CPNE8: variants seen among roughly 807,000 people sequenced by gnomAD.
CPNE8 encodes the protein copine 8.
CPNE8 carries 45 observed loss-of-function variants against 81.5 expected under a neutral mutation model. The observed-to-expected ratio is 0.55, with a 90% CI of 0.44 to 0.71. The LOEUF is 0.71. Among genes scored for constraint, CPNE8 ranks in the 30% least tolerant of loss-of-function variants. The probability of loss-of-function intolerance (pLI) is 0.00; values close to 1 mark genes in which losing one functional copy is unlikely to be tolerated. For synonymous variants in CPNE8, 252 were observed against 226.3 expected, an observed-to-expected ratio of 1.11 and a Z score of -1.02; for missense variants, 594 against 672.1, an observed-to-expected ratio of 0.88 and a Z score of 1.28.
intron 13 of CPNE8, among the ~76,000 whole-genome samples, chr12:38,706,159 T>C (rs1940100939): frequency 6.6e-6 from 1 of 152,164 alleles, no homozygotes; most frequent in African/African-American, 2.4e-5. Context: ...GCAAACTTTC[T>C]GGCTATAATA....
At chr12:38,744,861 T>C (rs1941192642) in intron 10 of CPNE8, among the ~76,000 whole-genome samples, 1 of 152,214 alleles carries the variant, frequency 6.6e-6, no homozygotes, top group African/African-American at 2.4e-5. Context: ...TTCATAACAG[T>C]GATTTTATTA....
chr12:38,773,734 A>G (rs1054696640), intron 7 of CPNE8, among the ~76,000 whole-genome samples: 1 of 152,142 alleles, frequency 6.6e-6, no homozygotes, highest in Non-Finnish European at 1.5e-5. Flanking sequence ...CAATACTTTT[A>G]ATGTTCCCTA....
intron 6 of CPNE8, among the ~76,000 whole-genome samples, chr12:38,798,337 T>A (rs533857982): frequency 1.3e-5 from 2 of 152,222 alleles, no homozygotes; most frequent in South Asian, 4.1e-4. Flanking sequence ...CCCATCACAC[T>A]AACAGCTGAT....
At chr12:38,698,472 A>T (rs1161258729) in intron 14 of CPNE8, among the ~76,000 whole-genome samples, 1 of 152,150 alleles carries the variant, frequency 6.6e-6, no homozygotes, top group Non-Finnish European at 1.5e-5. Context: ...TTAAGAATCA[A>T]CTGCCAAATC....
chr12:38,906,145 G>T (rs1944569062), upstream of CPNE8: 1 of 985,576 alleles, frequency 1.0e-6, no homozygotes. Context: ...TTCTCACCTC[G>T]CCCTCGGAGC....
intron 19 of CPNE8, among the ~76,000 whole-genome samples, chr12:38,664,244 T>C (rs190647531): frequency 1.6e-4 from 25 of 152,192 alleles, no homozygotes; most frequent in Non-Finnish European, 2.1e-4. Context: ...TATAAATATG[T>C]ATAATGTCAA....
At chr12:38,858,480 G>A (rs1368510184) in intron 3 of CPNE8, among the ~76,000 whole-genome samples, 1 of 152,242 alleles carries the variant, frequency 6.6e-6, no homozygotes, top group Non-Finnish European at 1.5e-5. Flanking sequence ...AGGTGCTTCT[G>A]CAGTCATATT....
chr12:38,688,496 G>A (rs1483858835), intron 15 of CPNE8, among the ~76,000 whole-genome samples: 1 of 152,028 alleles, frequency 6.6e-6, no homozygotes, highest in Non-Finnish European at 1.5e-5. Context: ...AGATTTTTAA[G>A]TCTGTTACTT....
At chr12:38,793,918 G>C (rs1942390670) in intron 6 of CPNE8, among the ~76,000 whole-genome samples, 1 of 151,980 alleles carries the variant, frequency 6.6e-6, no homozygotes, top group African/African-American at 2.4e-5. Flanking sequence ...ACACCCTAAT[G>C]TACATGATAA....
intron 4 of CPNE8, among the ~76,000 whole-genome samples, chr12:38,844,132 A>G (rs990113539): frequency 1.3e-5 from 2 of 152,206 alleles, no homozygotes; most frequent in African/African-American, 4.8e-5. Flanking sequence ...TTTTATAATA[A>G]CATTATACAT....
At chr12:38,763,023 T>C (rs576853016) in intron 8 of CPNE8, among the ~76,000 whole-genome samples, 1 of 152,274 alleles carries the variant, frequency 6.6e-6, no homozygotes, top group South Asian at 2.1e-4. Flanking sequence ...TGCACCCAAC[T>C]AATTTTTGTA....
chr12:38,734,187 C>T (rs994530149), intron 10 of CPNE8, among the ~76,000 whole-genome samples: 4 of 151,928 alleles, frequency 2.6e-5, no homozygotes, highest in Admixed American at 6.6e-5. Context: ...CATCCCCCTC[C>T]GTACCTGCTA....
At chr12:38,838,554 A>T (rs1369842849) in intron 5 of CPNE8, among the ~76,000 whole-genome samples, 1 of 152,194 alleles carries the variant, frequency 6.6e-6, no homozygotes, top group Admixed American at 6.5e-5. Context: ...TTTTTAGGAC[A>T]TTTGCAAAAC....
intron 6 of CPNE8, among the ~76,000 whole-genome samples, chr12:38,822,404 T>C (rs1284899036): frequency 2.0e-5 from 3 of 152,178 alleles, no homozygotes; most frequent in Admixed American, 6.5e-5. Context: ...TCCTTAAACT[T>C]GCTGAATTCC....
rs572991248 is a variant in CPNE8 at position 38,711,990 on chromosome 12, C to T, written c.915-9069G>A. ...TGGCTTTGTTTTTATTAGATTTATC[C>T]CTACTCAGCACCACAGAGTTTAGCT... On this transcript the variant is annotated intron_variant, in intron 13 of 19. Coordinates refer to ENST00000331366, the MANE Select transcript of CPNE8 (RefSeq NM_153634.3). Among the ~76,000 whole-genome samples the T allele has an allele frequency of 5.9e-5, 9 of 151,908 alleles. No individual in the cohort carries two copies. The South Asian group carries it at 1.9e-3, about 32-fold the overall frequency.
chr12:38,705,646 A>G (rs2136697889), intron 13 of CPNE8, among the ~76,000 whole-genome samples: 1 of 152,310 alleles, frequency 6.6e-6, no homozygotes, highest in Non-Finnish European at 1.5e-5. Flanking sequence ...GGGATTGAAA[A>G]GAACAATCAC....
At chr12:38,669,348 AT>A (rs1224845210) in intron 19 of CPNE8, among the ~76,000 whole-genome samples, 3 of 152,134 alleles carry the variant, frequency 2.0e-5, no homozygotes, top group African/African-American at 7.2e-5. Context: ...AGATTACTTT[AT>A]ATTATTACTT....
chr12:38,775,677 A>C (rs1267134131), intron 7 of CPNE8, among the ~76,000 whole-genome samples: 1 of 152,186 alleles, frequency 6.6e-6, no homozygotes, highest in East Asian at 1.9e-4. Flanking sequence ...ATCACAACTG[A>C]AAGTAGCAAT....
intron 15 of CPNE8, among the ~76,000 whole-genome samples, chr12:38,686,650 T>A (rs995806322): frequency 6.6e-6 from 1 of 152,174 alleles, no homozygotes; most frequent in Non-Finnish European, 1.5e-5. Context: ...CTGAGCAGGA[T>A]CTCTCATGAG....
Sources: gnomAD v4.1 joint callset for allele counts (sites outside exome capture counted in the v4.1 genomes callset) on GRCh38, gnomAD v4.1.1 for gene constraint, MANE v1.5 for transcripts, NCBI Gene and HGNC (gene_info 2026-07-23, HGNC 2026-07-21) for gene names.